The following SORCS2 variants were observed in gnomAD, a reference collection of about 807,000 sequenced individuals.
SORCS2 encodes sortilin related VPS10 domain containing receptor 2, also known as VPS10 domain-containing receptor SorCS2.
In SORCS2, 100 loss-of-function variants were observed where a neutral mutation model predicts 141.6. That is an observed-to-expected ratio of 0.71 (90% CI 0.60 to 0.83). The LOEUF (loss-of-function observed/expected upper bound fraction) is 0.83. Among genes scored for constraint, SORCS2 ranks in the 40% least tolerant of loss-of-function variants. The probability of loss-of-function intolerance (pLI) is 0.00; values close to 1 mark genes in which losing one functional copy is unlikely to be tolerated. For missense variants in SORCS2, 1,646 were observed against 1,560.2 expected (o/e 1.05, Z -0.93); for synonymous variants, 789 against 676.9 (o/e 1.17, Z -2.57).
chr4:7,714,357 G>C lies in SORCS2; in HGVS notation c.2107G>C (p.Asp703His), dbSNP rs1264903381. The change falls in exon 16 of 27, where the codon GAC becomes CAC. Residue 703 changes from aspartate (D) to histidine (H), a missense_variant. Transcript: ENST00000507866. ...CACGTCCCGCGTGTGCGAGTGCCGG[G>C]ACTCGGACTTCCTGTGGTGAGCGAC... ...ALTSRVCECR[D>H]SDFLCDYGFE... The C allele has an allele frequency of 6.4e-7, 1 of 1,555,762 alleles. No individual in the cohort carries two copies. The highest frequency in any genetic ancestry group is 8.7e-7 in the Non-Finnish European group (1 of 1,149,438).
At chr4:7,386,594 G>GCA (rs1723351275) in intron 1 of SORCS2, among the ~76,000 whole-genome samples, 1 of 131,476 alleles carries the variant, frequency 7.6e-6, no homozygotes, top group African/African-American at 3.0e-5. Context: ...ATACACATTT[G>GCA]CACACACGCA....
intron 2 of SORCS2, among the ~76,000 whole-genome samples, chr4:7,456,533 T>TC (rs1728926103): frequency 1.3e-5 from 2 of 152,064 alleles, no homozygotes; most frequent in African/African-American, 4.8e-5. Context: ...GGCACTGTTG[T>TC]CCCTCCCCAC....
chr4:7,414,482 C>T lies in SORCS2; in HGVS notation c.548+18127C>T, dbSNP rs531633737. On this transcript the variant is annotated intron_variant, in intron 2 of 26. Transcript: ENST00000507866. ...GTACCCAGGCAAGTTAAGGAAACAC[C>T]ACACTTTGAGATGAATTAAGAGTCT... Among the ~76,000 whole-genome samples the T allele has an allele frequency of 2.6e-5, 4 of 152,280 alleles. No individual in the cohort carries two copies. In the South Asian group the frequency reaches 8.3e-4, roughly 32 times the overall value.
chr4:7,392,386 C>T (rs990603446), intron 1 of SORCS2, among the ~76,000 whole-genome samples: 1 of 152,150 alleles, frequency 6.6e-6, no homozygotes, highest in Admixed American at 6.5e-5. Flanking sequence ...GGGACTGGGC[C>T]TGAAGGACAG....
At chr4:7,303,280 C>T (rs1377612116) in intron 1 of SORCS2, among the ~76,000 whole-genome samples, 1 of 152,166 alleles carries the variant, frequency 6.6e-6, no homozygotes, top group Non-Finnish European at 1.5e-5. Context: ...TAAAGGATGG[C>T]AACTTTTTAA....
chr4:7,325,440 C>T (rs76392892), intron 1 of SORCS2, among the ~76,000 whole-genome samples: 3,279 of 152,270 alleles, frequency 0.022, 121 homozygotes, highest in African/African-American at 0.072. Flanking sequence ...GAAGGAACAG[C>T]TGGAAAAGCT....
rs770662499 is a variant in SORCS2 at position 7,193,154 on chromosome 4, G to A, written c.480+28G>A. 1.2e-5 allele frequency: 18 copies of A among 1,488,064 alleles called. No homozygotes were observed. The highest frequency in any genetic ancestry group is 1.5e-5 in the Non-Finnish European group (17 of 1,126,836). 92.2% of individuals were successfully genotyped at this position (1,488,064 alleles called of 1,614,324 possible). A position where few individuals can be genotyped will look rare whatever the true frequency, so the allele number is the denominator to read the frequency against. On this transcript the variant is annotated intron_variant, in intron 1 of 26. Transcript: ENST00000507866. This position sits in a 1 kb window ranked among gnomAD's most constrained non-coding sequence, Gnocchi z 4.8. ...AAGTGACCTCCACGCGCTCGCCGCG[G>A]CCCCTACCCGGGACACCGCGGGACA...
chr4:7,220,321 C>T (rs1008023855), intron 1 of SORCS2, among the ~76,000 whole-genome samples: 9 of 152,052 alleles, frequency 5.9e-5, no homozygotes, highest in African/African-American at 1.2e-4. Context: ...GAATTGTTTA[C>T]GGGTGAGCTC....
chr4:7,202,303 A>G (rs1016849316), intron 1 of SORCS2, among the ~76,000 whole-genome samples: 13 of 152,054 alleles, frequency 8.5e-5, no homozygotes, highest in African/African-American at 2.9e-4. Context: ...ATTAAGCTCC[A>G]TTTGTCATTA....
chr4:7,732,308 A>G (rs566544317), intron 23 of SORCS2, among the ~76,000 whole-genome samples: 2 of 152,344 alleles, frequency 1.3e-5, no homozygotes, highest in African/African-American at 4.8e-5. Context: ...GTGCTGTGAA[A>G]GGTGGCTGGT....
chr4:7,452,340 C>G (rs1380674335), intron 2 of SORCS2, among the ~76,000 whole-genome samples: 3 of 152,136 alleles, frequency 2.0e-5, no homozygotes, highest in Admixed American at 1.3e-4. Context: ...CAGAGTTTCA[C>G]CACATTGGCC....
chr4:7,352,823 T>C (rs887177912), intron 1 of SORCS2, among the ~76,000 whole-genome samples: 1 of 152,136 alleles, frequency 6.6e-6, no homozygotes, highest in Non-Finnish European at 1.5e-5. Flanking sequence ...AAGAAAACTT[T>C]GGTGAAGTCA....
rs1204836644 is a variant in SORCS2 at position 7,356,668 on chromosome 4, G to A, written c.481-39620G>A. Among the ~76,000 whole-genome samples, 6 of 152,336 alleles carry A rather than the reference G, an allele frequency of 3.9e-5. No individual in the cohort carries two copies. The East Asian group carries it at 7.7e-4, about 20-fold the overall frequency. ...GGATTTCAACATGTGGATTTGGGTC[G>A]GGGGATGCAGACATCCAGTCTGCAG... On this transcript the variant is annotated intron_variant, in intron 1 of 26. Transcript: ENST00000507866.
intron 2 of SORCS2, among the ~76,000 whole-genome samples, chr4:7,458,984 G>C (rs1025206491): frequency 6.6e-6 from 1 of 152,180 alleles, no homozygotes; most frequent in Admixed American, 6.5e-5. Context: ...GAGTGTGGGG[G>C]CCGGCAGGGG....
At chr4:7,433,296 G>T in intron 2 of SORCS2, 4 of 1,370,844 alleles carry the variant, frequency 2.9e-6, no homozygotes, top group Middle Eastern at 3.8e-4. Context: ...GCAGGCTCTG[G>T]GTCTCTGGCA....
chr4:7,661,413 C>T (rs1722155510), intron 5 of SORCS2, 87 bp from the exon 6 acceptor site: 1 of 1,421,026 alleles, frequency 7.0e-7, no homozygotes, highest in African/African-American at 1.4e-5. Flanking sequence ...CCAGGGAGGC[C>T]ACGTGGCTGC....
intron 3 of SORCS2, among the ~76,000 whole-genome samples, chr4:7,568,836 T>C (rs1267185203): frequency 6.6e-6 from 1 of 152,212 alleles, no homozygotes; most frequent in Non-Finnish European, 1.5e-5. Context: ...AAGTGACTGA[T>C]CTAGTTCATC....
At chr4:7,444,612 C>T (rs13147605) in intron 2 of SORCS2, among the ~76,000 whole-genome samples, 3 of 152,074 alleles carry the variant, frequency 2.0e-5, no homozygotes, top group African/African-American at 7.2e-5. Context: ...GTGGACTCTG[C>T]TTCTTCCTCT....
intron 3 of SORCS2, among the ~76,000 whole-genome samples, chr4:7,540,772 G>T (rs754627157): frequency 6.6e-6 from 1 of 152,118 alleles, no homozygotes; most frequent in Admixed American, 6.5e-5. Flanking sequence ...CTGGCTTTCC[G>T]ACCCCCCTGC....
Sources: allele counts gnomAD v4.1 joint callset (sites outside exome capture counted in the v4.1 genomes callset), GRCh38; gene constraint gnomAD v4.1.1; non-coding constraint Gnocchi (gnomAD v3.1); transcripts MANE v1.5; gene names NCBI Gene and HGNC (gene_info 2026-07-23, HGNC 2026-07-21).